Variants in CAMKMT observed in about 807,000 individuals in gnomAD.
The protein encoded by CAMKMT is calmodulin-lysine N-methyltransferase.
In CAMKMT, 53 loss-of-function variants were observed where a neutral mutation model predicts 48.0. That is an observed-to-expected ratio of 1.10 (90% confidence interval 0.89 to 1.39). CAMKMT has a LOEUF of 1.39. Ranked by LOEUF, CAMKMT falls within the 40% of genes most tolerant of loss-of-function variation. The pLI is 0.00. For synonymous variants in CAMKMT, 165 were observed against 152.3 expected (o/e 1.08, Z -0.61); for missense variants, 428 against 402.7 (o/e 1.06, Z -0.54).
intron 3 of CAMKMT, among the ~76,000 whole-genome samples, chr2:44,610,242 C>T (rs1671526482): frequency 6.6e-6 from 1 of 151,890 alleles, no homozygotes; most frequent in African/African-American, 2.4e-5. Flanking sequence ...TCCATGAGAG[C>T]TTATAGTCTA....
chr2:44,386,104 T>C (rs1680754605), intron 2 of CAMKMT, among the ~76,000 whole-genome samples: 3 of 152,148 alleles, frequency 2.0e-5, no homozygotes, highest in Admixed American at 2.0e-4. Context: ...CATCTGGTCC[T>C]GGACTTTTTT....
intron 3 of CAMKMT, among the ~76,000 whole-genome samples, chr2:44,569,389 A>G (rs1219511523): frequency 6.6e-6 from 1 of 152,212 alleles, no homozygotes; most frequent in Non-Finnish European, 1.5e-5. Context: ...ATGTAATCCA[A>G]TGGAATATAT....
chr2:44,487,255 CT>C (rs146850868), intron 3 of CAMKMT, among the ~76,000 whole-genome samples: 74 of 148,788 alleles, frequency 5.0e-4, no homozygotes, highest in African/African-American at 1.4e-3. Context: ...GTGAAATCAG[CT>C]TTTTTTTTTC....
chr2:44,447,895 A>T (rs1358361230), intron 3 of CAMKMT, among the ~76,000 whole-genome samples: 1 of 152,160 alleles, frequency 6.6e-6, no homozygotes, highest in Non-Finnish European at 1.5e-5. Context: ...CTGTCTGGCC[A>T]CTTTGTTTTT....
At chr2:44,673,103 A>G (rs1675428526) in intron 3 of CAMKMT, among the ~76,000 whole-genome samples, 1 of 152,038 alleles carries the variant, frequency 6.6e-6, no homozygotes, top group Non-Finnish European at 1.5e-5. Context: ...ACTACGGGCA[A>G]AGGAAGAAAC....
chr2:44,576,613 A>G lies in CAMKMT; in HGVS notation c.377-127670A>G, dbSNP rs1010024370. ...GTGATCAGTGGTCAAAGTCAATGTG[A>G]TTTTGTGACTTACACTGATAGCATT... On this transcript the variant is annotated intron_variant, in intron 3 of 10. Transcript: ENST00000378494. Among the ~76,000 whole-genome samples the G allele has an allele frequency of 1.8e-4, 28 of 152,150 alleles. 1 individual carries two copies. The highest frequency in any genetic ancestry group is 6.0e-4 in the African/African-American group (25 of 41,444).
chr2:44,630,098 T>TAC (rs1217948258), intron 3 of CAMKMT, among the ~76,000 whole-genome samples: 2 of 151,642 alleles, frequency 1.3e-5, no homozygotes, highest in Non-Finnish European at 2.9e-5. Context: ...ACCACATATC[T>TAC]ACAACTATCT....
intron 7 of CAMKMT, among the ~76,000 whole-genome samples, chr2:44,740,000 T>C (rs1573208417): frequency 6.6e-6 from 1 of 151,940 alleles, no homozygotes; most frequent in Admixed American, 6.6e-5. Context: ...GTACTGGCTG[T>C]AGATAGGAGT....
intron 3 of CAMKMT, among the ~76,000 whole-genome samples, chr2:44,538,998 GTGTGTA>G (rs1355680565): frequency 4.0e-5 from 5 of 123,930 alleles, no homozygotes; most frequent in East Asian, 2.3e-4. Context: ...GTGTGTGTGT[GTGTGTA>G]TGTATATAAT....
intron 3 of CAMKMT, among the ~76,000 whole-genome samples, chr2:44,511,804 C>A (rs1304880118): frequency 6.6e-6 from 1 of 152,172 alleles, no homozygotes; most frequent in Non-Finnish European, 1.5e-5. Flanking sequence ...GGGTCCCTCA[C>A]TTCAAGTGTT....
At chr2:44,388,128 C>T (rs537881453) in intron 2 of CAMKMT, among the ~76,000 whole-genome samples, 22 of 152,134 alleles carry the variant, frequency 1.4e-4, no homozygotes, top group South Asian at 8.3e-4. Flanking sequence ...CAAGCTTCTT[C>T]CTCAGGAACA....
intron 3 of CAMKMT, among the ~76,000 whole-genome samples, chr2:44,615,427 C>G (rs1440805386): frequency 6.6e-6 from 1 of 152,070 alleles, no homozygotes; most frequent in Non-Finnish European, 1.5e-5. Context: ...GAAAAGTAGA[C>G]AGATTGAGAG....
chr2:44,691,432 T>C lies in CAMKMT; in HGVS notation c.377-12851T>C, dbSNP rs191004557. Among the ~76,000 whole-genome samples, 143 of 152,356 alleles carry C rather than the reference T, an allele frequency of 9.4e-4. 1 individual carries two copies. The highest frequency in any genetic ancestry group is 3.3e-3 in the African/African-American group (139 of 41,582). ...TGTCCATCTTTTCTTTACCTCCTAA[T>C]CGTCACGTTAATAGTCTGAGTTAAA... On this transcript the variant is annotated intron_variant, in intron 3 of 10. Coordinates refer to ENST00000378494, the MANE Select transcript of CAMKMT (RefSeq NM_024766.5).
At chr2:44,525,948 G>A (rs1022892134) in intron 3 of CAMKMT, among the ~76,000 whole-genome samples, 4 of 152,006 alleles carry the variant, frequency 2.6e-5, no homozygotes, top group Non-Finnish European at 4.4e-5. Flanking sequence ...ATGCTGGTGT[G>A]CTGCACCCAT....
At chr2:44,743,026 A>G (rs192655323) in intron 7 of CAMKMT, among the ~76,000 whole-genome samples, 206 of 152,368 alleles carry the variant, frequency 1.4e-3, no homozygotes, top group Admixed American at 1.8e-3. Context: ...TTTCAAATGC[A>G]TGTTACTAAT....
chr2:44,436,477 C>G (rs1341901035), intron 3 of CAMKMT, among the ~76,000 whole-genome samples: 1 of 152,030 alleles, frequency 6.6e-6, no homozygotes. Flanking sequence ...TCATTTCAGA[C>G]AAGGATTGGG....
At chr2:44,393,451 A>T (rs980933971) in intron 3 of CAMKMT, 1 of 152,164 alleles carries the variant, frequency 6.6e-6, no homozygotes, top group African/African-American at 2.4e-5. Flanking sequence ...ATACGACCCA[A>T]CCTTCTTTTT....
At chr2:44,587,931 G>T (rs1438668555) in intron 3 of CAMKMT, among the ~76,000 whole-genome samples, 1 of 102,784 alleles carries the variant, frequency 9.7e-6, no homozygotes, top group Admixed American at 1.1e-4. Flanking sequence ...GTCTCTGCCT[G>T]GTCCCCCATC....
chr2:44,604,550 C>G (rs13408637), intron 3 of CAMKMT, among the ~76,000 whole-genome samples: 3,941 of 135,432 alleles, frequency 0.029, 180 homozygotes, highest in African/African-American at 0.097. Context: ...CCTATGAAAG[C>G]CAATCTGGTT....
Sources: allele counts gnomAD v4.1 joint callset (sites outside exome capture counted in the v4.1 genomes callset), GRCh38; gene constraint gnomAD v4.1.1; transcripts MANE v1.5; gene names NCBI Gene and HGNC (gene_info 2026-07-23, HGNC 2026-07-21).